JPH3: variants seen among roughly 807,000 people sequenced by gnomAD.
JPH3 encodes junctophilin 3.
In JPH3, 11 loss-of-function variants were observed where a neutral mutation model predicts 59.6. The observed-to-expected ratio is 0.18, with a 90% CI of 0.12 to 0.31. The LOEUF is 0.31. Among genes scored for constraint, JPH3 ranks in the 10% least tolerant of loss-of-function variants. JPH3 has a pLI of 1.00. For missense variants in JPH3, 1,202 were observed against 1,105.7 expected (o/e 1.09, Z -1.24); for synonymous variants, 673 against 483.6 (o/e 1.39, Z -5.14).
intron 3 of JPH3, 190 bp downstream of exon 3, chr16:87,684,456 G>A (rs1183277114): frequency 2.3e-5 from 19 of 825,098 alleles, no homozygotes; most frequent in East Asian, 1.1e-4. Context: ...CTGGCTCCCC[G>A]GGACACAGGA....
intron 2 of JPH3, 137 bp downstream of exon 2, chr16:87,645,172 GC>G: frequency 1.1e-6 from 1 of 903,452 alleles, no homozygotes; most frequent in Non-Finnish European, 1.6e-6. Flanking sequence ...CTCAAACTAT[GC>G]CCCCATGGAA....
At chr16:87,648,271 G>A (rs1307117498) in intron 2 of JPH3, among the ~76,000 whole-genome samples, 2 of 152,174 alleles carry the variant, frequency 1.3e-5, no homozygotes, top group Non-Finnish European at 1.5e-5. Context: ...GGAGGGAAGA[G>A]AGTCTGCCGC....
At position 87,690,124 on chromosome 16, in the gene JPH3, C is replaced by G. The variant is rs771254621; in HGVS notation, c.1764C>G (p.His588Gln). The G allele has an allele frequency of 1.3e-6, 2 of 1,587,546 alleles. No homozygotes were observed. The highest frequency in any genetic ancestry group is 1.1e-5 in the South Asian group (1 of 87,466). ...CCGTGTTCACGTGGACTTCCCACCA[C>G]CGGGCCAGCAACCACAGCCCCGGAG... Reference protein sequence around the residue: ...SPPVFTWTSHHRASNHSPGGS... With the variant: ...SPPVFTWTSHQRASNHSPGGS... Residue 588 changes from histidine (H) to glutamine (Q), a missense_variant, in exon 4 of 5, where the codon CAC (histidine) becomes CAG (glutamine). Physicochemically the swap from His to Gln is conservative, Grantham distance 24 (BLOSUM62 0). Transcript: ENST00000284262.
rs181049461 is a variant in JPH3, at chr16:87,655,842, A to C, written c.1160+10807A>C. 8.9e-4 allele frequency among the ~76,000 whole-genome samples: 136 copies of C among 152,260 alleles called. 1 individual carries two copies. Among genetic ancestry groups the C allele is most frequent in the Admixed American group, 1.8e-3 (27 of 15,300 alleles). On this transcript the variant is annotated intron_variant, in intron 2 of 4. Transcript: ENST00000284262. ...CCACCTCGTAGGAGGCTCTGGATTG[A>C]ATGAGGTTCGACAGTGCTGACTGTG...
At chr16:87,639,259 A>G (rs963350740) in intron 1 of JPH3, among the ~76,000 whole-genome samples, 1 of 152,126 alleles carries the variant, frequency 6.6e-6, no homozygotes, top group Admixed American at 6.5e-5. Flanking sequence ...GTTAACCCAG[A>G]CATTCCCAAG....
At chr16:87,683,881 C>T (rs1415035023) in intron 2 of JPH3, 2 of 436,576 alleles carry the variant, frequency 4.6e-6, no homozygotes, top group Non-Finnish European at 8.2e-6. Context: ...GCTGGGATTA[C>T]AGGCGTGAGC....
At position 87,681,532 on chromosome 16, in the gene JPH3, G is replaced by T. The variant is rs189363428; in HGVS notation, c.1161-2610G>T. On this transcript the variant is annotated intron_variant, in intron 2 of 4. Transcript: ENST00000284262. ...CAGTGCCGGGAGGTCAGGTGCGCGC[G>T]GTCGTGACAGTGCCGGGAGGTCAGG... 6.1e-3 allele frequency among the ~76,000 whole-genome samples: 828 copies of T among 135,420 alleles called. 23 individuals carry two copies. Among genetic ancestry groups the T allele is most frequent in the East Asian group, 0.047 (194 of 4,102 alleles). The allele number at this position is 135,420 out of a possible 152,430, so 88.8% of individuals were successfully genotyped here.
At chr16:87,607,675 C>T (rs1377968370) in intron 1 of JPH3, among the ~76,000 whole-genome samples, 1 of 152,226 alleles carries the variant, frequency 6.6e-6, no homozygotes, top group Non-Finnish European at 1.5e-5. Context: ...AGAAAAATCC[C>T]TCATCTCAAC....
intron 4 of JPH3, among the ~76,000 whole-genome samples, chr16:87,691,091 C>CCG (rs1555543748): frequency 2.7e-5 from 4 of 149,936 alleles, no homozygotes; most frequent in Non-Finnish European, 5.9e-5. Flanking sequence ...CCAGCACCCC[C>CCG]CCCCCAAATT....
At chr16:87,670,775 C>G (rs776085739) in intron 2 of JPH3, among the ~76,000 whole-genome samples, 2 of 152,202 alleles carry the variant, frequency 1.3e-5, no homozygotes, top group Non-Finnish European at 2.9e-5. Context: ...GTGCCAGGCC[C>G]TGTCGTTGGT....
chr16:87,674,151 G>A (rs1159372698), intron 2 of JPH3, among the ~76,000 whole-genome samples: 3 of 151,828 alleles, frequency 2.0e-5, no homozygotes, highest in Non-Finnish European at 4.4e-5. Flanking sequence ...TGGCTAACAC[G>A]GTGAAACCCC....
chr16:87,678,979 G>GT (rs58670560), intron 2 of JPH3, among the ~76,000 whole-genome samples: 2,961 of 152,320 alleles, frequency 0.019, 90 homozygotes, highest in African/African-American at 0.066. Context: ...GAGAAAAGGA[G>GT]TGAGTGTTAA....
At chr16:87,612,486 C>T (rs192417544) in intron 1 of JPH3, among the ~76,000 whole-genome samples, 199 of 152,262 alleles carry the variant, frequency 1.3e-3, no homozygotes, top group African/African-American at 4.6e-3. Context: ...GTGATTCTAA[C>T]GTTCAGCGCA....
At chr16:87,664,978 G>A (rs2032816768) in intron 2 of JPH3, among the ~76,000 whole-genome samples, 1 of 152,246 alleles carries the variant, frequency 6.6e-6, no homozygotes, top group African/African-American at 2.4e-5. Context: ...AAAACCATGT[G>A]CATCTTCAGA....
intron 1 of JPH3, among the ~76,000 whole-genome samples, chr16:87,641,727 C>T (rs1393976283): frequency 2.6e-5 from 4 of 152,270 alleles, no homozygotes; most frequent in African/African-American, 7.2e-5. Context: ...GTGAGGCAGC[C>T]TCAGGGGCTC....
At chr16:87,686,803 G>T (rs2033430091) in intron 3 of JPH3, among the ~76,000 whole-genome samples, 2 of 152,220 alleles carry the variant, frequency 1.3e-5, no homozygotes, top group African/African-American at 4.8e-5. Context: ...TCCTCCGACA[G>T]TTCTTGTCTT....
chr16:87,655,267 C>T (rs935621133), intron 2 of JPH3, among the ~76,000 whole-genome samples: 1 of 152,222 alleles, frequency 6.6e-6, no homozygotes, highest in African/African-American at 2.4e-5. Context: ...TCCGGCCTCC[C>T]TGCGTGGCCA....
Position 87,604,326 on chromosome 16 carries a change from G to GCTT in JPH3, c.382+800_382+801insTCT, listed in dbSNP as rs750034060. 1.8e-5 allele frequency: 26 copies of GCTT among 1,468,688 alleles called. No individual in the cohort carries two copies. In the African/African-American group the frequency reaches 3.2e-4, roughly 18 times the overall value. The allele number at this position is 1,468,688 out of a possible 1,614,324, so 91.0% of individuals were successfully genotyped here. On this transcript the variant is annotated intron_variant, in intron 1 of 4. Coordinates refer to ENST00000284262, the MANE Select transcript of JPH3 (RefSeq NM_020655.4). ...TGCTGCTGCTGCTGCTGCTGCTGCT[G>GCTT]CTGTAAGATGGTTTCTGTGCAGGGA...
At chr16:87,604,636 T>G in intron 1 of JPH3, 1 of 1,184,676 alleles carries the variant, frequency 8.4e-7, no homozygotes, top group Non-Finnish European at 1.1e-6. Context: ...GTACGTGTGC[T>G]CTAGTCCTCC....
Sources: gnomAD v4.1 joint callset for allele counts (sites outside exome capture counted in the v4.1 genomes callset) on GRCh38, gnomAD v4.1.1 for gene constraint, MANE v1.5 for transcripts, NCBI Gene and HGNC (gene_info 2026-07-23, HGNC 2026-07-21) for gene names.